The following KCNB2 variants were observed in gnomAD, a reference collection of about 807,000 sequenced individuals.
KCNB2 encodes the protein potassium voltage-gated channel subfamily B member 2.
Under a neutral mutation model 61.5 loss-of-function variants are expected in KCNB2, and 15 were observed. The observed-to-expected ratio is 0.24, with a 90% confidence interval of 0.16 to 0.38. The LOEUF is 0.38. Ranked by LOEUF, KCNB2 falls within the 10% of genes least tolerant of loss-of-function variation. The pLI, the probability that KCNB2 is intolerant of heterozygous loss-of-function variation, is 1.00. For synonymous variants in KCNB2, 457 were observed against 446.0 expected (o/e 1.02, Z -0.31); for missense variants, 828 against 1,125.2 (o/e 0.74, Z 3.78).
chr8:72,692,235 CA>C (rs34131843), intron 2 of KCNB2, among the ~76,000 whole-genome samples: 32,234 of 78,236 alleles, frequency 0.41, 3,186 homozygotes, highest in Middle Eastern at 0.49. Context: ...GACTCTGTCT[CA>C]AAAAAAAAAA....
At chr8:72,561,744 T>TAC in intron 1 of KCNB2, among the ~76,000 whole-genome samples, 2 of 27,434 alleles carry the variant, frequency 7.3e-5, no homozygotes, top group Admixed American at 5.0e-4. Flanking sequence ...TCTATATATA[T>TAC]ATGTATATAT....
chr8:72,713,333 T>C (rs753789637), intron 2 of KCNB2, among the ~76,000 whole-genome samples: 1 of 152,158 alleles, frequency 6.6e-6, no homozygotes, highest in African/African-American at 2.4e-5. Flanking sequence ...AGCACGCAGC[T>C]TGAGATCTGA....
chr8:72,659,374 T>C (rs1806344259), intron 2 of KCNB2, among the ~76,000 whole-genome samples: 2 of 152,232 alleles, frequency 1.3e-5, no homozygotes, highest in South Asian at 4.1e-4. Flanking sequence ...GAGTTGCTTC[T>C]TATGGATGAG....
At chr8:72,691,420 C>A (rs1806938703) in intron 2 of KCNB2, among the ~76,000 whole-genome samples, 1 of 152,196 alleles carries the variant, frequency 6.6e-6, no homozygotes, top group Non-Finnish European at 1.5e-5. Flanking sequence ...CCAGCTGATA[C>A]CAGTTTTAGA....
At chr8:72,685,205 T>TACAAA (rs1806830553) in intron 2 of KCNB2, among the ~76,000 whole-genome samples, 1 of 152,108 alleles carries the variant, frequency 6.6e-6, no homozygotes, top group Non-Finnish European at 1.5e-5. Context: ...TAGAAATGAA[T>TACAAA]TTGTATCTGA....
chr8:72,779,939 C>T (rs374716963), intron 2 of KCNB2, among the ~76,000 whole-genome samples: 1 of 152,034 alleles, frequency 6.6e-6, no homozygotes, highest in African/African-American at 2.4e-5. Context: ...TTATCTAGCA[C>T]CTGTCTTCCA....
chr8:72,783,175 A>G (rs946538039), intron 2 of KCNB2, among the ~76,000 whole-genome samples: 2 of 152,120 alleles, frequency 1.3e-5, no homozygotes, highest in Admixed American at 6.6e-5. Flanking sequence ...TCAACCCACC[A>G]TTATTTCTAG....
At chr8:72,705,835 C>G (rs1000218383) in intron 2 of KCNB2, among the ~76,000 whole-genome samples, 1 of 152,140 alleles carries the variant, frequency 6.6e-6, no homozygotes, top group Admixed American at 6.5e-5. Context: ...CCCCAAGCAC[C>G]CTCAATGGGA....
At chr8:72,703,020 G>A (rs1230798503) in intron 2 of KCNB2, among the ~76,000 whole-genome samples, 1 of 152,222 alleles carries the variant, frequency 6.6e-6, no homozygotes, top group African/African-American at 2.4e-5. Context: ...TTTCTATTAA[G>A]AAAGCTTTTA....
chr8:72,916,419 G>A (rs2981128), intron 2 of KCNB2, among the ~76,000 whole-genome samples: 19,848 of 152,074 alleles, frequency 0.13, 1,638 homozygotes, highest in African/African-American at 0.24. Flanking sequence ...GGGAGCACAG[G>A]TGAGAGGAGC....
At chr8:72,772,354 A>G (rs1219006451) in intron 2 of KCNB2, among the ~76,000 whole-genome samples, 1 of 152,214 alleles carries the variant, frequency 6.6e-6, no homozygotes, top group Non-Finnish European at 1.5e-5. Flanking sequence ...GCCTCCAGCC[A>G]TTAGCATCCA....
intron 2 of KCNB2, among the ~76,000 whole-genome samples, chr8:72,720,050 C>T (rs933654321): frequency 1.8e-4 from 27 of 152,258 alleles, no homozygotes; most frequent in African/African-American, 6.3e-4. Flanking sequence ...GGGCTAATTA[C>T]CCATTTTATC....
intron 2 of KCNB2, among the ~76,000 whole-genome samples, chr8:72,759,053 G>C (rs1254652046): frequency 6.6e-6 from 1 of 152,128 alleles, no homozygotes; most frequent in African/African-American, 2.4e-5. Context: ...AATGAACTTA[G>C]TCTGAACTAA....
At chr8:72,846,577 A>AACC (rs1809998387) in intron 2 of KCNB2, among the ~76,000 whole-genome samples, 1 of 151,250 alleles carries the variant, frequency 6.6e-6, no homozygotes. Context: ...GAAAAAAAAA[A>AACC]CCATCAAAAA....
At chr8:72,568,493 G>GACATAAAATGGTTAATAAA (rs1246962471) in intron 2 of KCNB2, among the ~76,000 whole-genome samples, 180 bp downstream of exon 2, 1 of 152,172 alleles carries the variant, frequency 6.6e-6, no homozygotes, top group Non-Finnish European at 1.5e-5. Flanking sequence ...CCTGGTTAAT[G>GACATAAAATGGTTAATAAA]ACATAAAATG....
At chr8:72,606,475 A>G (rs1420573932) in intron 2 of KCNB2, among the ~76,000 whole-genome samples, 1 of 152,184 alleles carries the variant, frequency 6.6e-6, no homozygotes, top group Non-Finnish European at 1.5e-5. Context: ...GATAATGGTG[A>G]TTTGTGATTT....
At chr8:72,893,986 A>G (rs1805944459) in intron 2 of KCNB2, among the ~76,000 whole-genome samples, 1 of 152,202 alleles carries the variant, frequency 6.6e-6, no homozygotes, top group Admixed American at 6.5e-5. Flanking sequence ...CTGGGCACAG[A>G]GGACACAACA....
intron 2 of KCNB2, among the ~76,000 whole-genome samples, chr8:72,911,449 C>T (rs1412262925): frequency 6.6e-6 from 1 of 152,218 alleles, no homozygotes; most frequent in Admixed American, 6.5e-5. Flanking sequence ...ACACACCATT[C>T]AAAGCCTTTC....
At chr8:72,642,616 T>A (rs1806074339) in intron 2 of KCNB2, among the ~76,000 whole-genome samples, 2 of 152,122 alleles carry the variant, frequency 1.3e-5, no homozygotes, top group African/African-American at 4.8e-5. Flanking sequence ...GTTGCAACAA[T>A]GACTGTCACC....
Sources: gnomAD v4.1 joint callset for allele counts (sites outside exome capture counted in the v4.1 genomes callset) on GRCh38, gnomAD v4.1.1 for gene constraint, MANE v1.5 for transcripts, NCBI Gene and HGNC (gene_info 2026-07-23, HGNC 2026-07-21) for gene names.